Variants in DNAH11 observed in about 807,000 individuals in gnomAD.
DNAH11 encodes the protein dynein axonemal heavy chain 11.
Under a neutral mutation model 526.0 loss-of-function variants are expected in DNAH11, and 442 were observed. That is an observed-to-expected ratio of 0.84 (90% CI 0.78 to 0.91). The LOEUF (loss-of-function observed/expected upper bound fraction) is 0.91. Among genes scored for constraint, DNAH11 ranks in the 40% least tolerant of loss-of-function variants. The pLI is 0.00. For synonymous variants in DNAH11, 2,461 were observed against 1,935.9 expected, an observed-to-expected ratio of 1.27 and a Z score of -7.12; for missense variants, 6,989 against 5,448.7, an observed-to-expected ratio of 1.28 and a Z score of -8.90.
intron 74 of DNAH11, among the ~76,000 whole-genome samples, chr7:21,874,008 C>T (rs867025072): frequency 6.6e-6 from 1 of 152,062 alleles, no homozygotes; most frequent in African/African-American, 2.4e-5. Flanking sequence ...CCAGACTGGT[C>T]TTGAACTCCT....
intron 5 of DNAH11, chr7:21,561,371 T>C (rs571818829): frequency 4.5e-6 from 2 of 441,546 alleles, no homozygotes; most frequent in South Asian, 5.2e-5. Context: ...TGGTATATAG[T>C]AGTACCTGCC....
chr7:21,619,608 G>C (rs1346523580), intron 24 of DNAH11, among the ~76,000 whole-genome samples: 1 of 152,266 alleles, frequency 6.6e-6, no homozygotes, highest in East Asian at 1.9e-4. Context: ...ACAGAAGACT[G>C]AGATTCATTC....
intron 20 of DNAH11, among the ~76,000 whole-genome samples, chr7:21,613,295 A>T (rs1261918948): frequency 6.6e-6 from 1 of 152,160 alleles, no homozygotes; most frequent in Non-Finnish European, 1.5e-5. Flanking sequence ...TGAAAATATT[A>T]TAAAAATTAG....
At chr7:21,800,499 G>T (rs1247524675) in intron 61 of DNAH11, among the ~76,000 whole-genome samples, 1 of 152,124 alleles carries the variant, frequency 6.6e-6, no homozygotes, top group Admixed American at 6.5e-5. Context: ...GGGTGTGGTG[G>T]TGCACACCTG....
chr7:21,631,907 C>A (rs180996116), intron 25 of DNAH11, among the ~76,000 whole-genome samples: 62 of 152,292 alleles, frequency 4.1e-4, no homozygotes, highest in Admixed American at 2.7e-3. Flanking sequence ...GGCTCTGATC[C>A]CACATTTCCC....
chr7:21,590,833 T>A, intron 12 of DNAH11, 85 bp from the exon 13 acceptor site: 1 of 807,934 alleles, frequency 1.2e-6, no homozygotes, highest in East Asian at 3.4e-5. Flanking sequence ...TTGGATAACA[T>A]CTTAAGTATT....
At chr7:21,893,486 T>A (rs1395065764) in intron 77 of DNAH11, among the ~76,000 whole-genome samples, 1 of 152,204 alleles carries the variant, frequency 6.6e-6, no homozygotes, top group Non-Finnish European at 1.5e-5. Flanking sequence ...CAGGACCTGA[T>A]AAATTGCCGG....
Position 21,631,302 on chromosome 7 carries a change from A to G in DNAH11, c.4501-4569A>G, listed in dbSNP as rs759469823. 9.2e-5 allele frequency among the ~76,000 whole-genome samples: 14 copies of G among 152,302 alleles called. No individual in the cohort carries two copies. The South Asian group carries it at 1.5e-3, about 16-fold the overall frequency. ...ATTTGGATAGGGAGACAGCCAAACC[A>G]TATCATTCCACCCCTGGTCCCTCCC... On this transcript the variant is annotated intron_variant, in intron 25 of 81. Coordinates refer to ENST00000409508, the MANE Select transcript of DNAH11 (RefSeq NM_001277115.2).
Position 21,559,780 on chromosome 7 carries a change from C to T in DNAH11, c.870C>T (p.Cys290=). ...TGATGAGGAGAGAAAATCTGTCATG[C>T]ATTTATGATCAAGTAAGTAGATAGC... The part of the protein sequence containing the change: ...FWMMRRENLS[C]IYDQLQAPVV... Residue 290 remains cysteine, a synonymous_variant, in exon 4 of 82, where the codon TGC becomes TGT. Transcript: ENST00000409508. The T allele has an allele frequency of 6.3e-7, 1 of 1,596,878 alleles. No individual in the cohort carries two copies.
At chr7:21,826,185 C>G (rs1267732083) in intron 65 of DNAH11, among the ~76,000 whole-genome samples, 1 of 151,944 alleles carries the variant, frequency 6.6e-6, no homozygotes, top group Admixed American at 6.5e-5. Flanking sequence ...TCTTAAAAAG[C>G]ATTTTGAATA....
chr7:21,855,716 G>C (rs1013845825), intron 68 of DNAH11, among the ~76,000 whole-genome samples: 5 of 152,098 alleles, frequency 3.3e-5, no homozygotes, highest in Non-Finnish European at 7.4e-5. Flanking sequence ...CTGTTCATCC[G>C]TTTTTAGACA....
Position 21,864,676 on chromosome 7 carries a change from T to A in DNAH11, c.11496+19T>A. ...TATCAAGGTATGTTAGGAATACAGTTTCTCAAATTCTGGATCTTATTTAAA... is the reference window on the plus strand; with the variant it reads ...TATCAAGGTATGTTAGGAATACAGTATCTCAAATTCTGGATCTTATTTAAA... On this transcript the variant is annotated intron_variant, in intron 70 of 81. Coordinates refer to ENST00000409508, the MANE Select transcript of DNAH11 (RefSeq NM_001277115.2). 1 of 1,555,042 alleles carries A rather than the reference T, an allele frequency of 6.4e-7. No individual in the cohort carries two copies. Among genetic ancestry groups the A allele is most frequent in the Middle Eastern group, 1.7e-4 (1 of 5,832 alleles).
intron 68 of DNAH11, among the ~76,000 whole-genome samples, chr7:21,857,123 G>T (rs559636942): frequency 2.2e-4 from 33 of 152,118 alleles, no homozygotes; most frequent in Non-Finnish European, 4.3e-4. Context: ...TTTTAGCAAG[G>T]TTGCAGGATA....
chr7:21,850,349 T>C (rs60851464), intron 66 of DNAH11, among the ~76,000 whole-genome samples: 16,250 of 120,604 alleles, frequency 0.13, 2,727 homozygotes, highest in African/African-American at 0.39. Flanking sequence ...GAGGAGACTC[T>C]GTCTCAAAAA....
intron 2 of DNAH11, among the ~76,000 whole-genome samples, chr7:21,550,532 G>A (rs1266532206): frequency 6.6e-6 from 1 of 152,008 alleles, no homozygotes; most frequent in Non-Finnish European, 1.5e-5. Flanking sequence ...ATCCTAAGGA[G>A]TGCTACTGGG....
At chr7:21,756,767 A>T (rs552803910) in intron 54 of DNAH11, among the ~76,000 whole-genome samples, 132 of 152,268 alleles carry the variant, frequency 8.7e-4, no homozygotes, top group Non-Finnish European at 1.5e-3. Context: ...TCACTTTGCT[A>T]AATTCTGCTA....
At chr7:21,766,455 A>G (rs1238140374) in intron 55 of DNAH11, among the ~76,000 whole-genome samples, 1 of 152,216 alleles carries the variant, frequency 6.6e-6, no homozygotes, top group Non-Finnish European at 1.5e-5. Flanking sequence ...TCTCAGAGGC[A>G]AACACAGAAC....
intron 18 of DNAH11, among the ~76,000 whole-genome samples, chr7:21,603,443 C>T (rs1785168198): frequency 6.6e-6 from 1 of 152,174 alleles, no homozygotes; most frequent in African/African-American, 2.4e-5. Flanking sequence ...GCTGGGTCAT[C>T]TGGTAGTTCT....
intron 6 of DNAH11, among the ~76,000 whole-genome samples, chr7:21,569,471 T>C (rs1250254670): frequency 6.6e-6 from 1 of 152,156 alleles, no homozygotes; most frequent in East Asian, 1.9e-4. Context: ...CTTCCAGTCT[T>C]TTCTTTTATC....
Sources: allele counts gnomAD v4.1 joint callset (sites outside exome capture counted in the v4.1 genomes callset), GRCh38; gene constraint gnomAD v4.1.1; transcripts MANE v1.5; gene names NCBI Gene and HGNC (gene_info 2026-07-23, HGNC 2026-07-21).